The following TMCO5A variants were observed in gnomAD, a reference collection of about 807,000 sequenced individuals.
TMCO5A encodes transmembrane and coiled-coil domain-containing protein 5A.
TMCO5A carries 34 observed loss-of-function variants against 42.3 expected under a neutral mutation model. That is an observed-to-expected ratio of 0.80 (90% CI 0.61 to 1.07). The LOEUF (loss-of-function observed/expected upper bound fraction) is 1.07, where lower values mean the gene tolerates loss of function less well. Ranked by LOEUF, TMCO5A falls within the 50% of genes least tolerant of loss-of-function variation. The pLI is 0.00. For missense variants in TMCO5A, 357 were observed against 327.9 expected (o/e 1.09, Z -0.69); for synonymous variants, 131 against 115.6 (o/e 1.13, Z -0.86).
the TMCO5A span, among the ~76,000 whole-genome samples, chr15:38,031,643 C>T: frequency 3.3e-5 from 5 of 152,128 alleles, no homozygotes; most frequent in African/African-American, 1.2e-4. Flanking sequence ...TCCTCCAACC[C>T]CAGTCAATCC....
the TMCO5A span, among the ~76,000 whole-genome samples, chr15:38,008,796 CAA>C: frequency 1.3e-5 from 2 of 152,186 alleles, no homozygotes; most frequent in African/African-American, 4.8e-5. Context: ...GGAATCAAGA[CAA>C]CGCATGACCA....
chr15:38,029,003 G>C, the TMCO5A span, among the ~76,000 whole-genome samples: 1 of 152,182 alleles, frequency 6.6e-6, no homozygotes, highest in Non-Finnish European at 1.5e-5. Flanking sequence ...GGAACCTAAA[G>C]GTGGAGCTTG....
At chr15:37,973,416 C>T in the TMCO5A span, among the ~76,000 whole-genome samples, 1 of 152,032 alleles carries the variant, frequency 6.6e-6, no homozygotes, top group African/African-American at 2.4e-5. Flanking sequence ...ATTCTTCCTA[C>T]CCATAAGCAT....
At chr15:38,018,940 A>G in the TMCO5A span, among the ~76,000 whole-genome samples, 2 of 152,188 alleles carry the variant, frequency 1.3e-5, no homozygotes, top group African/African-American at 2.4e-5. Context: ...TTATGAAGTT[A>G]TGTGGAAAAG....
chr15:37,954,762 A>G (rs1890243311), downstream of TMCO5A, among the ~76,000 whole-genome samples: 1 of 152,162 alleles, frequency 6.6e-6, no homozygotes. Context: ...TAGACAGTAT[A>G]ATAAAATATA....
At chr15:37,946,896 A>G (rs1350479257) in intron 10 of TMCO5A, among the ~76,000 whole-genome samples, 3 of 152,138 alleles carry the variant, frequency 2.0e-5, no homozygotes, top group Non-Finnish European at 2.9e-5. Context: ...TATGTTGAAT[A>G]GGAGTGGTGA....
chr15:37,980,708 A>G, the TMCO5A span, among the ~76,000 whole-genome samples: 1 of 148,184 alleles, frequency 6.7e-6, no homozygotes, highest in Non-Finnish European at 1.5e-5. Context: ...GAACTCTGAG[A>G]TTCAGTGGAA....
intron 6 of TMCO5A, among the ~76,000 whole-genome samples, chr15:37,939,199 G>A (rs1273324271): frequency 6.6e-6 from 1 of 152,018 alleles, no homozygotes; most frequent in Non-Finnish European, 1.5e-5. Context: ...GCACTTGGTT[G>A]TGTGTATGAA....
the TMCO5A span, among the ~76,000 whole-genome samples, chr15:38,022,008 C>T: frequency 6.6e-6 from 1 of 152,052 alleles, no homozygotes; most frequent in African/African-American, 2.4e-5. Flanking sequence ...GATAGGGTTT[C>T]ACCATGTTGG....
At chr15:38,020,990 G>A in the TMCO5A span, among the ~76,000 whole-genome samples, 1 of 152,044 alleles carries the variant, frequency 6.6e-6, no homozygotes, top group Non-Finnish European at 1.5e-5. Context: ...CAAAATGCAT[G>A]GTTATTTAGG....
At chr15:37,972,657 G>A (rs1462932388), downstream of TMCO5A, among the ~76,000 whole-genome samples, 2 of 151,978 alleles carry the variant, frequency 1.3e-5, no homozygotes, top group African/African-American at 4.8e-5. Context: ...ATTTGTTTAA[G>A]TTCCTTATAG....
chr15:37,961,423 A>G (rs911891408), intron 11 of TMCO5A, among the ~76,000 whole-genome samples: 22 of 152,122 alleles, frequency 1.4e-4, no homozygotes, highest in Admixed American at 7.2e-4. Context: ...TACCAGTACC[A>G]TGCTGTTTTG....
chr15:37,957,327 T>G (rs554899479), intron 11 of TMCO5A, among the ~76,000 whole-genome samples: 2 of 152,214 alleles, frequency 1.3e-5, no homozygotes, highest in Admixed American at 1.3e-4. Flanking sequence ...GACATGATTG[T>G]ATATTTAGAA....
chr15:37,972,886 C>T, the TMCO5A span, among the ~76,000 whole-genome samples: 3,643 of 152,118 alleles, frequency 0.024, 149 homozygotes, highest in African/African-American at 0.083. Flanking sequence ...TTTTAGGTTG[C>T]CTTCTGGGTT....
chr15:37,976,793 C>CTT, the TMCO5A span, among the ~76,000 whole-genome samples: 253 of 116,834 alleles, frequency 2.2e-3, 1 homozygote, highest in Middle Eastern at 4.2e-3. Flanking sequence ...TTTCTTCTTT[C>CTT]TTTTTTTTTT....
the TMCO5A span, among the ~76,000 whole-genome samples, chr15:38,000,187 C>T: frequency 2.0e-5 from 3 of 152,022 alleles, no homozygotes; most frequent in African/African-American, 7.2e-5. Flanking sequence ...ATTATGGCTT[C>T]GATCTTGTAA....
At chr15:37,982,547 T>TCTATATATAATAGATATTATATATTAG in the TMCO5A span, among the ~76,000 whole-genome samples, 1 of 138,252 alleles carries the variant, frequency 7.2e-6, no homozygotes, top group Admixed American at 7.3e-5. Flanking sequence ...TTATATATTA[T>TCTATATATAATAGATATTATATATTAG]TATGATATAT....
the TMCO5A span, among the ~76,000 whole-genome samples, chr15:38,038,504 C>T: frequency 8.8e-4 from 134 of 151,442 alleles, no homozygotes; most frequent in African/African-American, 3.2e-3. Flanking sequence ...CTCCCGGGTT[C>T]ATACCATTCT....
At chr15:37,969,646 T>C (rs1389861060), downstream of TMCO5A, among the ~76,000 whole-genome samples, 1 of 152,224 alleles carries the variant, frequency 6.6e-6, no homozygotes, top group Admixed American at 6.5e-5. Flanking sequence ...ACAGATTATT[T>C]CATCACCTAG....
Sources: gnomAD v4.1 joint callset for allele counts (sites outside exome capture counted in the v4.1 genomes callset) on GRCh38, gnomAD v4.1.1 for gene constraint, MANE v1.5 for transcripts, NCBI Gene and HGNC (gene_info 2026-07-23, HGNC 2026-07-21) for gene names.